NAALADL2: variants seen among roughly 807,000 people sequenced by gnomAD.
The protein encoded by NAALADL2 is N-acetylated alpha-linked acidic dipeptidase like 2.
NAALADL2 carries 76 observed loss-of-function variants against 87.2 expected under a neutral mutation model. That is an observed-to-expected ratio of 0.87 (90% CI 0.72 to 1.05). NAALADL2 has a LOEUF of 1.05. NAALADL2 is among the 50% of genes least tolerant of loss of function. The pLI is 0.00. For missense variants in NAALADL2, 1,089 were observed against 945.8 expected, an observed-to-expected ratio of 1.15 and a Z score of -1.99; for synonymous variants, 354 against 331.0, an observed-to-expected ratio of 1.07 and a Z score of -0.75.
chr3:174,960,199 T>C (rs1028635239), intron 1 of NAALADL2, among the ~76,000 whole-genome samples: 2 of 152,216 alleles, frequency 1.3e-5, no homozygotes, highest in Middle Eastern at 3.4e-3. Flanking sequence ...AATAAGGTGC[T>C]AAACTATTCC....
intron 1 of NAALADL2, among the ~76,000 whole-genome samples, chr3:174,860,605 A>C (rs972755388): frequency 3.9e-5 from 6 of 152,038 alleles, no homozygotes; most frequent in African/African-American, 1.4e-4. Flanking sequence ...TGCATATGAT[A>C]ATGATTTTAC....
rs141949710 is a variant in NAALADL2, at chr3:175,335,153, A to G, written c.1090+10828A>G. Among the ~76,000 whole-genome samples, 39 of 152,358 alleles carry G rather than the reference A, an allele frequency of 2.6e-4. No homozygotes were observed. The East Asian group carries it at 6.9e-3, about 27-fold the overall frequency. On this transcript the variant is annotated intron_variant, in intron 5 of 13. Coordinates refer to ENST00000454872, the MANE Select transcript of NAALADL2 (RefSeq NM_207015.3). The stretch of plus-strand genomic sequence containing the variant: ...CCGCGTCTACTGAGTTAGAAGGGCT[A>G]GAGCTGTGCTGTCCAATATGATAGC...
intron 3 of NAALADL2, among the ~76,000 whole-genome samples, chr3:174,775,904 A>G (rs1336039512): frequency 2.0e-5 from 3 of 152,192 alleles, no homozygotes; most frequent in African/African-American, 7.2e-5. Flanking sequence ...TGTTATACGT[A>G]ACAAATATGG....
intron 3 of NAALADL2, among the ~76,000 whole-genome samples, chr3:174,793,837 C>T (rs1297180937): frequency 2.0e-5 from 3 of 150,966 alleles, no homozygotes; most frequent in African/African-American, 7.3e-5. Context: ...GATCTCATCA[C>T]ATAAGACACT....
intron 2 of NAALADL2, among the ~76,000 whole-genome samples, chr3:174,593,552 T>C (rs1330804589): frequency 1.3e-5 from 2 of 148,980 alleles, no homozygotes; most frequent in Non-Finnish European, 3.0e-5. Context: ...CTACATTGCT[T>C]TCCTAAAAAC....
At chr3:175,261,746 A>G (rs1446031292) in intron 4 of NAALADL2, among the ~76,000 whole-genome samples, 4 of 152,054 alleles carry the variant, frequency 2.6e-5, no homozygotes, top group African/African-American at 9.7e-5. Flanking sequence ...TACAAATGAA[A>G]CATTTTTGTG....
chr3:175,431,036 A>T (rs1469520675), intron 5 of NAALADL2, among the ~76,000 whole-genome samples: 2 of 152,142 alleles, frequency 1.3e-5, no homozygotes, highest in African/African-American at 4.8e-5. Context: ...TTCAGAAAAT[A>T]GTTGATGTCT....
At chr3:175,298,400 C>T (rs1374721341) in intron 4 of NAALADL2, among the ~76,000 whole-genome samples, 1 of 152,112 alleles carries the variant, frequency 6.6e-6, no homozygotes, top group Non-Finnish European at 1.5e-5. Context: ...GAATGAAGAT[C>T]ACTTTTCAGG....
intron 2 of NAALADL2, among the ~76,000 whole-genome samples, chr3:175,144,399 A>T (rs982661218): frequency 2.4e-4 from 37 of 152,104 alleles, no homozygotes; most frequent in African/African-American, 7.9e-4. Flanking sequence ...GAAAAAGCCC[A>T]TTCATCAGTG....
chr3:175,688,596 T>C (rs980569392), intron 11 of NAALADL2, among the ~76,000 whole-genome samples: 6 of 152,100 alleles, frequency 3.9e-5, no homozygotes, highest in Admixed American at 6.6e-5. Context: ...GACAGGTAGA[T>C]AAGCAGAGAC....
At chr3:175,266,408 T>C (rs1751939044) in intron 4 of NAALADL2, among the ~76,000 whole-genome samples, 1 of 151,546 alleles carries the variant, frequency 6.6e-6, no homozygotes, top group African/African-American at 2.4e-5. Context: ...CATAGTACAA[T>C]AGAAGACTTA....
chr3:175,109,448 T>C (rs1723805418), intron 2 of NAALADL2, among the ~76,000 whole-genome samples: 2 of 151,794 alleles, frequency 1.3e-5, no homozygotes, highest in Non-Finnish European at 2.9e-5. Flanking sequence ...ATGGTGTTTA[T>C]GTTCCCATTG....
At chr3:174,983,087 C>A (rs987263169) in intron 1 of NAALADL2, among the ~76,000 whole-genome samples, 2 of 152,272 alleles carry the variant, frequency 1.3e-5, no homozygotes, top group East Asian at 3.9e-4. Context: ...CGTGAGCCAC[C>A]GCGCCCAGCC....
chr3:175,315,485 A>G (rs1411803606), intron 4 of NAALADL2, among the ~76,000 whole-genome samples: 1 of 152,164 alleles, frequency 6.6e-6, no homozygotes, highest in Non-Finnish European at 1.5e-5. Context: ...AATTTATGTA[A>G]TATTTAACTT....
At chr3:175,023,855 G>C (rs1283088366) in intron 1 of NAALADL2, among the ~76,000 whole-genome samples, 1 of 151,826 alleles carries the variant, frequency 6.6e-6, no homozygotes, top group Non-Finnish European at 1.5e-5. Flanking sequence ...ATCCCTTTCT[G>C]TTTCTTTTAA....
upstream of NAALADL2, among the ~76,000 whole-genome samples, chr3:174,854,351 G>C (rs972878385): frequency 1.3e-5 from 2 of 152,174 alleles, no homozygotes; most frequent in African/African-American, 4.8e-5. Context: ...TGTGGAGATA[G>C]AGAATAGAAT....
intron 3 of NAALADL2, among the ~76,000 whole-genome samples, chr3:174,771,418 A>G (rs1011619372): frequency 1.8e-4 from 28 of 152,180 alleles, no homozygotes; most frequent in African/African-American, 6.5e-4. Flanking sequence ...GTGCAGTACT[A>G]GGGACATGGT....
chr3:174,866,067 G>T (rs192030642), intron 1 of NAALADL2, among the ~76,000 whole-genome samples: 21 of 151,906 alleles, frequency 1.4e-4, no homozygotes, highest in Admixed American at 1.2e-3. Context: ...GCAGCCAAAA[G>T]AAAATAATAA....
At chr3:174,991,689 GAGAATATGGAAC>G (rs1435262725) in intron 1 of NAALADL2, among the ~76,000 whole-genome samples, 1 of 152,000 alleles carries the variant, frequency 6.6e-6, no homozygotes, top group Non-Finnish European at 1.5e-5. Flanking sequence ...AGCTGTCCTT[GAGAATATGGAAC>G]AGAATATGGA....
Sources: allele counts gnomAD v4.1 joint callset (sites outside exome capture counted in the v4.1 genomes callset), GRCh38; gene constraint gnomAD v4.1.1; transcripts MANE v1.5; gene names NCBI Gene and HGNC (gene_info 2026-07-23, HGNC 2026-07-21).